The following ARHGEF11 variants were observed in gnomAD, a reference collection of about 807,000 sequenced individuals.
ARHGEF11 encodes the protein Rho guanine exchange factor (GEF) 11.
Under a neutral mutation model 193.7 loss-of-function variants are expected in ARHGEF11, and 55 were observed. The ratio of observed to expected loss-of-function variants is 0.28; its 90% CI spans 0.23 to 0.36. The LOEUF is 0.36. ARHGEF11 is among the 10% of genes least tolerant of loss of function. ARHGEF11 has a pLI of 1.00. For missense variants in ARHGEF11, 1,723 were observed against 2,005.6 expected, an observed-to-expected ratio of 0.86 and a Z score of 2.69; for synonymous variants, 693 against 768.0, an observed-to-expected ratio of 0.90 and a Z score of 1.62.
Position 156,940,328 on chromosome 1 carries a change from C to T in ARHGEF11, c.3612G>A (p.Leu1204=). 1.9e-6 allele frequency: 3 copies of T among 1,613,976 alleles called. No homozygotes were observed. The highest frequency in any genetic ancestry group is 2.5e-6 in the Non-Finnish European group (3 of 1,179,906). ...GSAEEEELGV[L]PCPSTSLDGE... is the part of the protein sequence containing the mutation. ...CATCCAGGGATGTGGAAGGGCAAGG[C>T]AGGACACCCAGTTCCTCTTCCTCTG... Residue 1204 remains leucine, a synonymous_variant, in exon 36 of 41, where the codon CTG becomes CTA. Coordinates refer to ENST00000368194, the MANE Select transcript of ARHGEF11 (RefSeq NM_198236.3).
intron 14 of ARHGEF11, among the ~76,000 whole-genome samples, chr1:156,960,698 G>T (rs1338544746): frequency 6.6e-6 from 1 of 152,174 alleles, no homozygotes; most frequent in Non-Finnish European, 1.5e-5. Flanking sequence ...GGCACAGGCA[G>T]TTTTTTTCAC....
intron 1 of ARHGEF11, 143 bp downstream of exon 1, chr1:157,044,156 T>A (rs1449968086): frequency 1.3e-6 from 1 of 755,992 alleles, no homozygotes; most frequent in Non-Finnish European, 2.3e-6. Context: ...AGGCTGACAG[T>A]CCCCAGAGAC....
At chr1:156,958,298 T>TTG (rs1251837727) in intron 17 of ARHGEF11, among the ~76,000 whole-genome samples, 1 of 152,228 alleles carries the variant, frequency 6.6e-6, no homozygotes, top group Non-Finnish European at 1.5e-5. Context: ...TATATTGCAC[T>TTG]AGTTCAGTTT....
At chr1:156,961,071 A>G (rs1037944173) in intron 14 of ARHGEF11, among the ~76,000 whole-genome samples, 1 of 152,258 alleles carries the variant, frequency 6.6e-6, no homozygotes, top group Non-Finnish European at 1.5e-5. Context: ...TACTGCCAAA[A>G]GAATAAAGTC....
At chr1:156,941,268 C>G in intron 35 of ARHGEF11, 104 bp downstream of exon 35, 1 of 1,053,376 alleles carries the variant, frequency 9.5e-7, no homozygotes. Context: ...AACCTCACAC[C>G]CCGGGCCCTG....
chr1:157,006,053 A>G (rs528011954), intron 1 of ARHGEF11, among the ~76,000 whole-genome samples: 20 of 152,368 alleles, frequency 1.3e-4, no homozygotes, highest in Admixed American at 7.8e-4. Flanking sequence ...ACTGTAAAAT[A>G]TAGGTTTCTA....
At chr1:156,991,495 T>C (rs1295805300) in intron 1 of ARHGEF11, among the ~76,000 whole-genome samples, 1 of 151,512 alleles carries the variant, frequency 6.6e-6, no homozygotes, top group Non-Finnish European at 1.5e-5. Context: ...AATTTTCGTA[T>C]TTTTTATAGA....
chr1:156,937,115 G>C, intron 39 of ARHGEF11, 110 bp from the exon 40 acceptor site: 1 of 1,565,822 alleles, frequency 6.4e-7, no homozygotes, highest in South Asian at 1.2e-5. Flanking sequence ...AAGGGTGGCT[G>C]GGCGGGCTGG....
intron 15 of ARHGEF11, 88 bp from the exon 16 acceptor site, chr1:156,959,230 G>T (rs2102125375): frequency 8.9e-7 from 1 of 1,120,818 alleles, no homozygotes; most frequent in Non-Finnish European, 1.3e-6. Flanking sequence ...AGGCATTTCA[G>T]CTCCCTATGA....
intron 11 of ARHGEF11, among the ~76,000 whole-genome samples, chr1:156,966,717 T>C (rs1198455349): frequency 2.0e-5 from 3 of 152,240 alleles, no homozygotes. Flanking sequence ...TCCTTTTGAT[T>C]AACCCAGGAA....
intron 21 of ARHGEF11, 123 bp from the exon 22 acceptor site, chr1:156,951,822 A>G: frequency 7.0e-6 from 9 of 1,282,302 alleles, no homozygotes; most frequent in Non-Finnish European, 9.9e-6. Context: ...ACAGCACTGG[A>G]CCAAGAGTCA....
chr1:157,028,016 C>A (rs1178193226), intron 1 of ARHGEF11, among the ~76,000 whole-genome samples: 4 of 152,172 alleles, frequency 2.6e-5, no homozygotes, highest in Non-Finnish European at 5.9e-5. Context: ...GTGAAGAAGT[C>A]TCTGGAAGCC....
rs377216372 is a variant in ARHGEF11, at chr1:157,020,894, T to C, written c.32+23405A>G. 8.5e-5 allele frequency among the ~76,000 whole-genome samples: 13 copies of C among 152,364 alleles called. No homozygotes were observed. In the East Asian group the frequency reaches 1.7e-3, roughly 20 times the overall value. ...GGCATTGAGAATTTAAAAGCATTCA[T>C]TTGAATTCAAAAGCCAGCAAAATGT... is the stretch of plus-strand genomic sequence containing the variant. On this transcript the variant is annotated intron_variant, in intron 1 of 40. Transcript: ENST00000368194.
intron 6 of ARHGEF11, 140 bp downstream of exon 6, chr1:156,978,060 TCAAC>T: frequency 1.5e-6 from 2 of 1,313,126 alleles, no homozygotes; most frequent in Admixed American, 5.2e-5. Context: ...TCATTTTTGT[TCAAC>T]TCTTTCAATG....
chr1:156,978,170 T>A (rs781374030), intron 6 of ARHGEF11, 34 bp downstream of exon 6: 55 of 1,613,534 alleles, frequency 3.4e-5, no homozygotes, highest in Non-Finnish European at 4.7e-5. Context: ...AACAGGACAT[T>A]AGGGTGAGGA....
intron 1 of ARHGEF11, among the ~76,000 whole-genome samples, chr1:157,039,787 A>G (rs1672508235): frequency 6.6e-6 from 1 of 152,200 alleles, no homozygotes; most frequent in African/African-American, 2.4e-5. Context: ...TATAGATTAA[A>G]ATAACTCCTC....
chr1:156,977,966 C>T (rs1486791305), intron 6 of ARHGEF11, among the ~76,000 whole-genome samples: 2 of 152,220 alleles, frequency 1.3e-5, no homozygotes, highest in Admixed American at 6.5e-5. Context: ...AGGAAACACA[C>T]AATGTTGCTG....
chr1:156,985,091 T>C (rs1294360888), intron 2 of ARHGEF11, among the ~76,000 whole-genome samples: 1 of 152,156 alleles, frequency 6.6e-6, no homozygotes, highest in Non-Finnish European at 1.5e-5. Context: ...TCTCCATTCC[T>C]GTGAGTGTAT....
intron 1 of ARHGEF11, among the ~76,000 whole-genome samples, chr1:157,006,546 G>C (rs1236605326): frequency 6.6e-6 from 1 of 152,134 alleles, no homozygotes; most frequent in Non-Finnish European, 1.5e-5. Context: ...AGAAAAAAAG[G>C]GTTCTGAGGA....
Sources: gnomAD v4.1 joint callset for allele counts (sites outside exome capture counted in the v4.1 genomes callset) on GRCh38, gnomAD v4.1.1 for gene constraint, MANE v1.5 for transcripts, NCBI Gene and HGNC (gene_info 2026-07-23, HGNC 2026-07-21) for gene names.